Variants in SMAD4 observed in about 807,000 individuals in gnomAD.
The protein encoded by SMAD4 is SMAD family member 4.
SMAD4 carries 7 observed loss-of-function variants against 63.2 expected under a neutral mutation model. That is an observed-to-expected ratio of 0.11 (90% CI 0.06 to 0.21). SMAD4 has a LOEUF of 0.21. SMAD4 is among the 10% of genes least tolerant of loss of function. The probability of loss-of-function intolerance (pLI) is 1.00; values close to 1 mark genes in which losing one functional copy is unlikely to be tolerated. For missense variants in SMAD4, 312 were observed against 693.8 expected, an observed-to-expected ratio of 0.45 and a Z score of 6.18; for synonymous variants, 215 against 235.4, an observed-to-expected ratio of 0.91 and a Z score of 0.79.
chr18:51,072,104 A>G (rs577003367), intron 10 of SMAD4, among the ~76,000 whole-genome samples: 1 of 152,314 alleles, frequency 6.6e-6, no homozygotes, highest in African/African-American at 2.4e-5. Flanking sequence ...TCTCTTGGGT[A>G]CATACCTAAA....
chr18:51,036,038 A>G (rs969861507), intron 1 of SMAD4, among the ~76,000 whole-genome samples: 4 of 152,082 alleles, frequency 2.6e-5, no homozygotes, highest in Non-Finnish European at 4.4e-5. Context: ...GTGCAGTAAC[A>G]TCATCATAGC....
intron 7 of SMAD4, among the ~76,000 whole-genome samples, chr18:51,059,563 G>A (rs1399312328): frequency 2.0e-5 from 3 of 152,118 alleles, no homozygotes; most frequent in African/African-American, 7.2e-5. Flanking sequence ...TACTGTATTG[G>A]ACGTTACATG....
intron 1 of SMAD4, among the ~76,000 whole-genome samples, chr18:51,031,484 T>G (rs112190235): frequency 2.0e-5 from 3 of 152,240 alleles, no homozygotes; most frequent in Non-Finnish European, 4.4e-5. Context: ...CCAATTAGTT[T>G]CTTAATGCAT....
At chr18:51,049,548 C>G in intron 4 of SMAD4, 1 of 482,038 alleles carries the variant, frequency 2.1e-6, no homozygotes, top group Non-Finnish European at 3.7e-6. Context: ...AATTTATGAA[C>G]TAAAGTACTG....
chr18:51,036,232 A>T (rs898516249), intron 1 of SMAD4, among the ~76,000 whole-genome samples: 5 of 152,134 alleles, frequency 3.3e-5, no homozygotes, highest in African/African-American at 1.2e-4. Context: ...TAAAACTAGG[A>T]ATGCTACCGA....
intron 1 of SMAD4, among the ~76,000 whole-genome samples, chr18:51,044,361 G>A (rs764571517): frequency 3.2e-4 from 49 of 152,002 alleles, no homozygotes; most frequent in Middle Eastern, 3.4e-3. Context: ...AGAAAAATGC[G>A]TAATGCATTT....
At chr18:51,033,075 A>G (rs1436153402) in intron 1 of SMAD4, among the ~76,000 whole-genome samples, 1 of 152,072 alleles carries the variant, frequency 6.6e-6, no homozygotes, top group Non-Finnish European at 1.5e-5. Context: ...TCTTAAAGCC[A>G]TGATGAATGG....
intron 1 of SMAD4, among the ~76,000 whole-genome samples, chr18:51,035,316 A>G (rs1284151809): frequency 6.6e-6 from 1 of 152,194 alleles, no homozygotes; most frequent in Non-Finnish European, 1.5e-5. Flanking sequence ...CTTTTAAAGT[A>G]TATTCTCAAA....
chr18:51,038,429 T>A (rs1279509579), intron 1 of SMAD4, among the ~76,000 whole-genome samples: 1 of 152,248 alleles, frequency 6.6e-6, no homozygotes. Context: ...AAAAGTTCAC[T>A]GATACAGTGA....
chr18:51,061,670 T>C (rs1423794089), intron 8 of SMAD4, among the ~76,000 whole-genome samples: 2 of 152,232 alleles, frequency 1.3e-5, no homozygotes, highest in Non-Finnish European at 2.9e-5. Context: ...ATGACCAATC[T>C]TGTTTCATTC....
chr18:51,066,857 GA>G, intron 9 of SMAD4, 161 bp from the exon 10 acceptor site: 1 of 619,778 alleles, frequency 1.6e-6, no homozygotes, highest in Admixed American at 2.6e-5. Flanking sequence ...ATATGAACAG[GA>G]AAAGAAAAAA....
rs1909002290 is a variant in SMAD4, at chr18:51,030,430, G to A, written c.-321G>A. 6.6e-6 allele frequency: 1 copy of A among 151,236 alleles called. No homozygotes were observed. Among genetic ancestry groups the A allele is most frequent in the South Asian group, 2.1e-4 (1 of 4,828 alleles). 9.4% of individuals were successfully genotyped at this position (151,236 alleles called of 1,614,324 possible). The stretch of plus-strand genomic sequence containing the variant: ...CCAGCGAGAGAGGCCCCCCGCCGCA[G>A]GGCGGCCCGGGAGCTCGAGGCGGTC... On this transcript the variant is annotated 5_prime_UTR_variant, in exon 1 of 12. Transcript: ENST00000342988.
intron 8 of SMAD4, among the ~76,000 whole-genome samples, 199 bp from the exon 9 acceptor site, chr18:51,065,224 C>T (rs908305422): frequency 6.6e-6 from 1 of 152,058 alleles, no homozygotes; most frequent in Admixed American, 6.5e-5. Context: ...GTGCTAAGTA[C>T]TGAGCTAGAA....
At chr18:51,070,062 G>C (rs566994303) in intron 10 of SMAD4, among the ~76,000 whole-genome samples, 1 of 152,272 alleles carries the variant, frequency 6.6e-6, no homozygotes, top group South Asian at 2.1e-4. Context: ...AGAGAGAGAA[G>C]GTGATTATGT....
intron 8 of SMAD4, among the ~76,000 whole-genome samples, chr18:51,064,207 C>T (rs938892663): frequency 2.0e-5 from 3 of 152,098 alleles, no homozygotes; most frequent in South Asian, 2.1e-4. Context: ...TTAAATATGT[C>T]GAACCTATTT....
chr18:51,043,189 G>C (rs1341887808), intron 1 of SMAD4, among the ~76,000 whole-genome samples: 1 of 151,770 alleles, frequency 6.6e-6, no homozygotes, highest in African/African-American at 2.4e-5. Context: ...TTATTTGTTG[G>C]AAAAAAAATG....
chr18:51,049,933 A>G (rs984416306), intron 4 of SMAD4, among the ~76,000 whole-genome samples: 2 of 152,214 alleles, frequency 1.3e-5, no homozygotes, highest in African/African-American at 2.4e-5. Flanking sequence ...TGAAATGTGA[A>G]TGGGGGTGTT....
chr18:51,076,590 G>C (rs1452486660), intron 10 of SMAD4, 48 bp from the exon 11 acceptor site: 8 of 1,578,838 alleles, frequency 5.1e-6, no homozygotes, highest in Non-Finnish European at 7.0e-6. Context: ...TTTAATGTAT[G>C]GAATTTTTCT....
At chr18:51,049,362 G>A in intron 4 of SMAD4, 38 bp downstream of exon 4, 1 of 1,510,340 alleles carries the variant, frequency 6.6e-7, no homozygotes, top group Non-Finnish European at 9.2e-7. Context: ...TCTTTGTTTT[G>A]TCCTATCCTC....
Sources: gnomAD v4.1 joint callset for allele counts (sites outside exome capture counted in the v4.1 genomes callset) on GRCh38, gnomAD v4.1.1 for gene constraint, MANE v1.5 for transcripts, NCBI Gene and HGNC (gene_info 2026-07-23, HGNC 2026-07-21) for gene names.